Variants in ATP4A observed in about 807,000 individuals in gnomAD.
ATP4A encodes ATPase H+/K+ transporting subunit alpha.
In ATP4A, 73 loss-of-function variants were observed where a neutral mutation model predicts 112.1. That is an observed-to-expected ratio of 0.65 (90% CI 0.54 to 0.79). The LOEUF (loss-of-function observed/expected upper bound fraction) is 0.79. ATP4A is among the 30% of genes least tolerant of loss of function. ATP4A has a pLI of 0.00. For synonymous variants in ATP4A, 588 were observed against 588.9 expected (o/e 1.00, Z 0.02); for missense variants, 1,081 against 1,425.9 (o/e 0.76, Z 3.90).
In ATP4A at chr19:35,558,308, G is replaced by T. The variant is rs3020748; in HGVS notation, c.1500+54C>A. The T allele has an allele frequency of 1.3e-6, 2 of 1,564,608 alleles. No homozygotes were observed. The highest frequency in any genetic ancestry group is 4.6e-5 in the East Asian group (2 of 43,188). On this transcript the variant is annotated intron_variant, in intron 10 of 21. Coordinates refer to ENST00000262623, the MANE Select transcript of ATP4A (RefSeq NM_000704.3). The surrounding 1 kb of genome is among the most constrained non-coding windows in gnomAD (Gnocchi z 5.1). The stretch of plus-strand genomic sequence containing the variant: ...TGGCCCGCTGATGTGGGTGTGGCCT[G>T]GGGCGGGGCCCGAGGTGGGCGGGCC...
At position 35,551,426 on chromosome 19, in the gene ATP4A, A is replaced by G. The variant is rs754892753; in HGVS notation, c.2885+21T>C. 1 of 1,613,768 alleles carries G rather than the reference A, an allele frequency of 6.2e-7. No homozygotes were observed. Among genetic ancestry groups the G allele is most frequent in the Non-Finnish European group, 8.5e-7 (1 of 1,179,972 alleles). On this transcript the variant is annotated intron_variant, in intron 19 of 21. Transcript: ENST00000262623. This position sits in a 1 kb window ranked among gnomAD's most constrained non-coding sequence, Gnocchi z 5.2. ...TTGGGACCAGGGGTTGGAGGGCAGG[A>G]AGAGGGCCAGCCAGGGACACCTGAA...
chr19:35,558,280 T>A lies in ATP4A; in HGVS notation c.1500+82A>T, dbSNP rs534890675. The A allele has an allele frequency of 1.2e-3, 1,764 of 1,498,252 alleles. 16 individuals are homozygous for A. The African/African-American group carries it at 0.022, about 19-fold the overall frequency. 92.8% of individuals were successfully genotyped at this position (1,498,252 alleles called of 1,614,324 possible). A position where few individuals can be genotyped will look rare whatever the true frequency, so the allele number is the denominator to read the frequency against. On this transcript the variant is annotated intron_variant, in intron 10 of 21. Coordinates refer to ENST00000262623, the MANE Select transcript of ATP4A (RefSeq NM_000704.3). This position sits in a 1 kb window ranked among gnomAD's most constrained non-coding sequence, Gnocchi z 5.1. ...GAGAAGGGGCAAGGAGCGAAGCCCC[T>A]CGTGGCCCGCTGATGTGGGTGTGGC...
rs1317199630 is a variant in ATP4A at position 35,560,003 on chromosome 19, C to T, written c.858G>A (p.Ser286=). Residue 286 remains serine, a synonymous_variant, in exon 7 of 22, where the codon TCG becomes TCA. Transcript: ENST00000262623. The surrounding 1 kb of genome is among the most constrained non-coding windows in gnomAD (Gnocchi z 5.1). The part of the protein sequence containing the change: ...TIIGRIASLA[S]GVENEKTPIA... ...TGGGTGTCTTCTCGTTTTCCACCCCCGACGCCAGCGATGCGATGCGCCCAA... is the reference window on the plus strand; with the variant it reads ...TGGGTGTCTTCTCGTTTTCCACCCCTGACGCCAGCGATGCGATGCGCCCAA... The T allele has an allele frequency of 5.6e-6, 9 of 1,614,146 alleles. No homozygotes were observed. Among genetic ancestry groups the T allele is most frequent in the Admixed American group, 5.0e-5 (3 of 60,018 alleles).
At position 35,555,503 on chromosome 19, in the gene ATP4A, C is replaced by G; in HGVS notation, c.2094G>C (p.Glu698Asp). Residue 698 changes from glutamate to aspartate, a missense_variant, in exon 14 of 22, where the codon GAG (glutamate) becomes GAC (aspartate). Coordinates refer to ENST00000262623, the MANE Select transcript of ATP4A (RefSeq NM_000704.3). The surrounding 1 kb of genome is among the most constrained non-coding windows in gnomAD (Gnocchi z 6.6). The stretch of plus-strand genomic sequence containing the variant: ...GGGGGCTGGTGCGCGCAAACACCAT[C>G]TCGGGGTGGGTGCGCAGGGCCTCGA... The part of the protein sequence containing the change: ...ELVEALRTHP[E>D]MVFARTSPQQ... The G allele has an allele frequency of 6.2e-7, 1 of 1,608,644 alleles. No individual in the cohort carries two copies. The highest frequency in any genetic ancestry group is 8.5e-7 in the Non-Finnish European group (1 of 1,176,670).
At position 35,558,128 on chromosome 19, in the gene ATP4A, G is replaced by C; in HGVS notation, c.1500+234C>G. 1.6e-6 allele frequency: 1 copy of C among 641,518 alleles called. No individual in the cohort carries two copies. The highest frequency in any genetic ancestry group is 2.0e-5 in the South Asian group (1 of 49,832). The allele number at this position is 641,518 out of a possible 1,614,324, so 39.7% of individuals were successfully genotyped here. A position where few individuals can be genotyped will look rare whatever the true frequency, so the allele number is the denominator to read the frequency against. Reference sequence around the variant, plus strand: ...TGGGCTGGGGGCGGATTTGGAGAGCGAGGTGCTCCCCATGGACAGTCCCGC... The same window carrying C: ...TGGGCTGGGGGCGGATTTGGAGAGCCAGGTGCTCCCCATGGACAGTCCCGC... On this transcript the variant is annotated intron_variant, in intron 10 of 21. Transcript: ENST00000262623. The surrounding 1 kb of genome is among the most constrained non-coding windows in gnomAD (Gnocchi z 5.1).
chr19:35,560,007 G>A lies in ATP4A; in HGVS notation c.854C>T (p.Ala285Val), dbSNP rs375031967. The A allele has an allele frequency of 2.0e-5, 33 of 1,614,108 alleles. No individual in the cohort carries two copies. The African/African-American group carries it at 3.2e-4, about 16-fold the overall frequency. Residue 285 changes from alanine (A) to valine (V), a missense_variant, in exon 7 of 22, where the codon GCG becomes GTG. Transcript: ENST00000262623. This position sits in a 1 kb window ranked among gnomAD's most constrained non-coding sequence, Gnocchi z 5.1. ...RTIIGRIASL[A>V]SGVENEKTPI... The stretch of plus-strand genomic sequence containing the variant: ...TGTCTTCTCGTTTTCCACCCCCGAC[G>A]CCAGCGATGCGATGCGCCCAATGAT...
At position 35,550,949 on chromosome 19, in the gene ATP4A, G is replaced by C; in HGVS notation, c.2988-24C>G. 3 of 1,613,644 alleles carry C rather than the reference G, an allele frequency of 1.9e-6. No homozygotes were observed. The highest frequency in any genetic ancestry group is 2.5e-6 in the Non-Finnish European group (3 of 1,179,742). ...ACCTGAAGGCACATGGCAAGGTGAAGGCCATCCCAGGCCTGTGCCCTACAG... is the reference window on the plus strand; with the variant it reads ...ACCTGAAGGCACATGGCAAGGTGAACGCCATCCCAGGCCTGTGCCCTACAG... On this transcript the variant is annotated intron_variant, in intron 20 of 21. Transcript: ENST00000262623. This position sits in a 1 kb window ranked among gnomAD's most constrained non-coding sequence, Gnocchi z 4.1.
Position 35,555,124 on chromosome 19 carries a change from C to T in ATP4A, c.2326+42G>A. On this transcript the variant is annotated intron_variant, in intron 15 of 21. Coordinates refer to ENST00000262623, the MANE Select transcript of ATP4A (RefSeq NM_000704.3). The surrounding 1 kb of genome is among the most constrained non-coding windows in gnomAD (Gnocchi z 6.6). Reference sequence around the variant, plus strand: ...CAGCCTCCTCACAGCCCTCTCCCTCCTGTGCCCACACTGCCTGCCCTCCCC... The same window carrying T: ...CAGCCTCCTCACAGCCCTCTCCCTCTTGTGCCCACACTGCCTGCCCTCCCC... The T allele has an allele frequency of 6.2e-7, 1 of 1,613,920 alleles. No individual in the cohort carries two copies. Among genetic ancestry groups the T allele is most frequent in the Non-Finnish European group, 8.5e-7 (1 of 1,179,912 alleles).
In ATP4A at chr19:35,557,169, G is replaced by C; in HGVS notation, c.1694-81C>G. 1 of 1,523,312 alleles carries C rather than the reference G, an allele frequency of 6.6e-7. No individual in the cohort carries two copies. The highest frequency in any genetic ancestry group is 9.0e-7 in the Non-Finnish European group (1 of 1,110,790). 94.4% of individuals were successfully genotyped at this position (1,523,312 alleles called of 1,614,324 possible). ...GGCCAGGAAATGGGTAAAATAACCAGGCCCCTTGCACCAAACACCTATGGA... is the reference window on the plus strand; with the variant it reads ...GGCCAGGAAATGGGTAAAATAACCACGCCCCTTGCACCAAACACCTATGGA... On this transcript the variant is annotated intron_variant, in intron 11 of 21. Coordinates refer to ENST00000262623, the MANE Select transcript of ATP4A (RefSeq NM_000704.3). The surrounding 1 kb of genome is among the most constrained non-coding windows in gnomAD (Gnocchi z 4.4).
At position 35,555,305 on chromosome 19, in the gene ATP4A, A is replaced by T. The variant is rs1599571565; in HGVS notation, c.2187T>A (p.Gly729=). The part of the protein sequence containing the change: ...LGAIVAVTGD[G]VNDSPALKKA... ...TCTTCAGAGCTGGGGAGTCATTCAC[A>T]CCATCCCCCGTGACGGCCACAATCG... Residue 729 remains glycine, a synonymous_variant, in exon 15 of 22, where the codon GGT becomes GGA. Coordinates refer to ENST00000262623, the MANE Select transcript of ATP4A (RefSeq NM_000704.3). This position sits in a 1 kb window ranked among gnomAD's most constrained non-coding sequence, Gnocchi z 6.6. 17 of 1,614,006 alleles carry T rather than the reference A, an allele frequency of 1.1e-5. No individual in the cohort carries two copies. Among genetic ancestry groups the T allele is most frequent in the Non-Finnish European group, 1.4e-5 (17 of 1,179,958 alleles).
At chr19:35,552,103 G>A (rs1454969574) in intron 18 of ATP4A, among the ~76,000 whole-genome samples, 2 of 152,060 alleles carry the variant, frequency 1.3e-5, no homozygotes, top group Non-Finnish European at 2.9e-5. Context: ...CTGGAGTGCA[G>A]TGGTGCAATC....
Position 35,554,972 on chromosome 19 carries a change from G to A in ATP4A, c.2431C>T (p.Leu811=). Residue 811 remains leucine (L), a synonymous_variant, in exon 16 of 22, where the codon CTG becomes TTG. Coordinates refer to ENST00000262623, the MANE Select transcript of ATP4A (RefSeq NM_000704.3). ...YLIYITVSVP[L]PLGCITILFI... ...AGGATGGTGATGCACCCGAGGGGCA[G>A]GGGCACGCTGACGGTGATGTAGATG... is the stretch of plus-strand genomic sequence containing the variant. 1 of 1,614,198 alleles carries A rather than the reference G, an allele frequency of 6.2e-7. No individual in the cohort carries two copies. Among genetic ancestry groups the A allele is most frequent in the Non-Finnish European group, 8.5e-7 (1 of 1,180,028 alleles).
chr19:35,553,562 G>A (rs2071613804), intron 17 of ATP4A, 144 bp downstream of exon 17: 2 of 1,231,706 alleles, frequency 1.6e-6, no homozygotes, highest in African/African-American at 1.5e-5. Flanking sequence ...AAACAGAGAG[G>A]GACACGGAGG....
Position 35,560,529 on chromosome 19 carries a change from C to T in ATP4A, c.621G>A (p.Gly207=), listed in dbSNP as rs1411765587. 1.2e-5 allele frequency: 20 copies of T among 1,613,570 alleles called. No individual in the cohort carries two copies. The East Asian group carries it at 3.6e-4, about 29-fold the overall frequency. The stretch of plus-strand genomic sequence containing the variant: ...TGCGGATGTCGGCGGGCACTCTGTC[C>T]CCACCTTTCATCTCCACCAGGTCGC... ...VVGDLVEMKG[G]DRVPADIRIL... Residue 207 remains glycine (G), a synonymous_variant, in exon 6 of 22, where the codon GGG becomes GGA. Coordinates refer to ENST00000262623, the MANE Select transcript of ATP4A (RefSeq NM_000704.3). This position sits in a 1 kb window ranked among gnomAD's most constrained non-coding sequence, Gnocchi z 5.1.
chr19:35,556,984 C>G lies in ATP4A; in HGVS notation c.1798G>C (p.Val600Leu). Residue 600 changes from valine to leucine, a missense_variant, in exon 12 of 22, where the codon GTA (valine) becomes CTA (leucine). Coordinates refer to ENST00000262623, the MANE Select transcript of ATP4A (RefSeq NM_000704.3). ...GCCCGGGGTGGGTCAATCATGGATA[C>G]AAGTCCCGCAAAGCAGAGGCCGCTA... is the stretch of plus-strand genomic sequence containing the variant. ...PSSGLCFAGL[V>L]SMIDPPRATV... The G allele has an allele frequency of 6.2e-7, 1 of 1,614,196 alleles. No homozygotes were observed. The highest frequency in any genetic ancestry group is 8.5e-7 in the Non-Finnish European group (1 of 1,180,036).
At position 35,558,646 on chromosome 19, in the gene ATP4A, C is replaced by G. The variant is rs1301141995; in HGVS notation, c.1296G>C (p.Leu432=). The change falls in exon 9 of 22, where the codon CTG becomes CTC. Residue 432 remains leucine, a synonymous_variant. Coordinates refer to ENST00000262623, the MANE Select transcript of ATP4A (RefSeq NM_000704.3). This position sits in a 1 kb window ranked among gnomAD's most constrained non-coding sequence, Gnocchi z 5.1. The part of the protein sequence containing the change: ...FDQSSETWRA[L]CRVLTLCNRA... ...GGTTGCACAGGGTGAGCACCCGGCA[C>G]AGCGCCCGCCACGTCTCCGAGGACT... is the stretch of plus-strand genomic sequence containing the variant. The G allele has an allele frequency of 3.8e-6, 6 of 1,589,194 alleles. No homozygotes were observed. The East Asian group carries it at 1.4e-4, about 36-fold the overall frequency.
Position 35,553,825 on chromosome 19 carries a change from G to T in ATP4A, c.2486C>A (p.Pro829Gln). 6.4e-7 allele frequency: 1 copy of T among 1,574,290 alleles called. No individual in the cohort carries two copies. The highest frequency in any genetic ancestry group is 1.2e-5 in the South Asian group (1 of 86,364). ...LFIELCTDIF[P>Q]SVSLAYEKAE... is the part of the protein sequence containing the mutation. ...CTTTTCATATGCCAGGGACACAGAT[G>T]GGAACTGGCCAGGAGTGGAAGGAAC... Residue 829 changes from proline (P) to glutamine (Q), a missense_variant, in exon 17 of 22, where the codon CCA becomes CAA. By Grantham distance (76) the Pro-to-Gln change is moderately conservative. Transcript: ENST00000262623.
At position 35,557,253 on chromosome 19, in the gene ATP4A, C is replaced by T. The variant is rs2071636445; in HGVS notation, c.1694-165G>A. On this transcript the variant is annotated intron_variant, in intron 11 of 21. Transcript: ENST00000262623. The surrounding 1 kb of genome is among the most constrained non-coding windows in gnomAD (Gnocchi z 4.4). The stretch of plus-strand genomic sequence containing the variant: ...TATCTGAATCTACCCTCACAACCAC[C>T]CTGTGAGGCCCATTCTCATCTTACA... 6.6e-6 allele frequency among the ~76,000 whole-genome samples: 1 copy of T among 151,670 alleles called. No homozygotes were observed. The highest frequency in any genetic ancestry group is 1.5e-5 in the Non-Finnish European group (1 of 67,666).
In ATP4A at chr19:35,556,926, G is replaced by T; in HGVS notation, c.1856C>A (p.Thr619Asn). 6.2e-7 allele frequency: 1 copy of T among 1,613,928 alleles called. No homozygotes were observed. Among genetic ancestry groups the T allele is most frequent in the Non-Finnish European group, 8.5e-7 (1 of 1,179,838 alleles). The change falls in exon 12 of 22, where the codon ACC (threonine) becomes AAC (asparagine). Residue 619 changes from threonine to asparagine, a missense_variant. This residue lies in a region of ATP4A where 850 missense variants were observed against 1,068.2 expected (regional missense o/e 0.80). Transcript: ENST00000262623. Reference protein sequence around the residue: ...TVPDAVLKCRTAGIRVIMVTG... With the variant: ...TVPDAVLKCRNAGIRVIMVTG... ...ACAGTGGCATACCCGGATGCCTGCG[G>T]TGCGACACTTGAGCACAGCATCAGG...
Sources: gnomAD v4.1 joint callset for allele counts (sites outside exome capture counted in the v4.1 genomes callset) on GRCh38, gnomAD v4.1.1 for gene constraint, gnomAD v4.1.1 regional missense constraint, Gnocchi (gnomAD v3.1) non-coding constraint, MANE v1.5 for transcripts, NCBI Gene and HGNC (gene_info 2026-07-23, HGNC 2026-07-21) for gene names.